The following SAMD5 variants were observed in gnomAD, a reference collection of about 807,000 sequenced individuals.
The protein encoded by SAMD5 is sterile alpha motif domain containing 5.
In SAMD5, 13 loss-of-function variants were observed where a neutral mutation model predicts 11.3. The observed-to-expected ratio is 1.15, with a 90% CI of 0.75 to 1.83. SAMD5 has a LOEUF of 1.83. Among genes scored for constraint, SAMD5 ranks in the 40% most tolerant of loss-of-function variants. The pLI, the probability that SAMD5 is intolerant of heterozygous loss-of-function variation, is 0.00. For missense variants in SAMD5, 255 were observed against 239.1 expected, an observed-to-expected ratio of 1.07 and a Z score of -0.44; for synonymous variants, 129 against 111.3, an observed-to-expected ratio of 1.16 and a Z score of -1.00.
the SAMD5 span, among the ~76,000 whole-genome samples, chr6:147,749,645 A>G: frequency 6.6e-6 from 1 of 152,198 alleles, no homozygotes; most frequent in African/African-American, 2.4e-5. Flanking sequence ...GTTAGAGTGT[A>G]TGATAGATGT....
At chr6:147,913,582 G>A in the SAMD5 span, among the ~76,000 whole-genome samples, 1 of 152,150 alleles carries the variant, frequency 6.6e-6, no homozygotes. Flanking sequence ...TGTTATCCCA[G>A]CTACTTCAGA....
chr6:147,936,900 T>C, the SAMD5 span, among the ~76,000 whole-genome samples: 1 of 152,136 alleles, frequency 6.6e-6, no homozygotes, highest in Admixed American at 6.5e-5. Context: ...GTCATCAGTC[T>C]TGGTATTCAG....
the SAMD5 span, among the ~76,000 whole-genome samples, chr6:147,895,127 G>T: frequency 6.6e-6 from 1 of 152,216 alleles, no homozygotes; most frequent in South Asian, 2.1e-4. Context: ...GTGCAGCTTA[G>T]GAGGAGCCCA....
At chr6:147,721,959 A>T (rs1238222452) in intron 1 of SAMD5, among the ~76,000 whole-genome samples, 5 of 152,250 alleles carry the variant, frequency 3.3e-5, no homozygotes, top group Non-Finnish European at 5.9e-5. Context: ...ATGATTAATG[A>T]GAAGTGTTAC....
the SAMD5 span, among the ~76,000 whole-genome samples, chr6:147,743,895 C>T: frequency 2.0e-5 from 3 of 152,234 alleles, no homozygotes; most frequent in South Asian, 2.1e-4. Flanking sequence ...TCTTAACTGG[C>T]GTGGTTTATT....
intron 1 of SAMD5, 22 bp downstream of exon 1, chr6:147,509,409 G>T (rs780100162): frequency 2.0e-5 from 30 of 1,500,306 alleles, no homozygotes; most frequent in Non-Finnish European, 2.5e-5. Flanking sequence ...CCGTCCGGGC[G>T]GCCCGGGGCG....
chr6:147,905,666 T>A, the SAMD5 span, among the ~76,000 whole-genome samples: 3 of 152,160 alleles, frequency 2.0e-5, no homozygotes, highest in African/African-American at 7.2e-5. Context: ...TAGGTCTACT[T>A]AAAACCACAG....
At chr6:147,767,983 A>G in the SAMD5 span, among the ~76,000 whole-genome samples, 1 of 152,210 alleles carries the variant, frequency 6.6e-6, no homozygotes, top group African/African-American at 2.4e-5. Flanking sequence ...GGCATAGTGG[A>G]CAAGAACAGG....
the SAMD5 span, among the ~76,000 whole-genome samples, chr6:147,934,444 C>A: frequency 5.9e-5 from 9 of 152,090 alleles, no homozygotes; most frequent in African/African-American, 2.2e-4. Flanking sequence ...CTGTAGGATA[C>A]CCCTGACTAG....
the SAMD5 span, among the ~76,000 whole-genome samples, chr6:147,949,711 A>G: frequency 6.6e-6 from 1 of 152,206 alleles, no homozygotes; most frequent in African/African-American, 2.4e-5. Context: ...CCTGGGTAAA[A>G]GCAACTATAT....
chr6:147,857,301 G>A, the SAMD5 span, among the ~76,000 whole-genome samples: 1 of 150,236 alleles, frequency 6.7e-6, no homozygotes, highest in Admixed American at 6.6e-5. Context: ...CCAGGAGTTC[G>A]AGACCAGCCT....
chr6:147,628,790 G>C (rs796128079), intron 1 of SAMD5, among the ~76,000 whole-genome samples: 2 of 152,264 alleles, frequency 1.3e-5, no homozygotes, highest in African/African-American at 4.8e-5. Context: ...ATTCTCTGTG[G>C]AGAACAGAGA....
chr6:147,857,098 G>A, the SAMD5 span, among the ~76,000 whole-genome samples: 2 of 151,706 alleles, frequency 1.3e-5, no homozygotes, highest in African/African-American at 4.9e-5. Context: ...CTACCAGATG[G>A]TACCAACCAC....
intron 1 of SAMD5, among the ~76,000 whole-genome samples, chr6:147,595,198 C>A (rs1360125355): frequency 6.6e-6 from 1 of 152,184 alleles, no homozygotes; most frequent in Non-Finnish European, 1.5e-5. Flanking sequence ...ATGCCTGATA[C>A]ATTTGGAATG....
At chr6:147,760,261 C>A in the SAMD5 span, among the ~76,000 whole-genome samples, 1 of 151,998 alleles carries the variant, frequency 6.6e-6, no homozygotes, top group Non-Finnish European at 1.5e-5. Context: ...TCTGCCGAGC[C>A]GCAATGGACA....
chr6:147,816,281 CA>C, the SAMD5 span, among the ~76,000 whole-genome samples: 250 of 27,838 alleles, frequency 9.0e-3, 2 homozygotes, highest in Middle Eastern at 0.056. Flanking sequence ...ACTCCGTCTC[CA>C]AAAAAAAAAA....
chr6:147,576,251 CT>C (rs1422316700), intron 1 of SAMD5, among the ~76,000 whole-genome samples: 9 of 152,000 alleles, frequency 5.9e-5, no homozygotes, highest in Admixed American at 4.6e-4. Context: ...AGCAATTCTC[CT>C]TCCTCAGCCT....
At chr6:147,871,530 TAAAGG>T in the SAMD5 span, among the ~76,000 whole-genome samples, 1 of 152,160 alleles carries the variant, frequency 6.6e-6, no homozygotes, top group African/African-American at 2.4e-5. Flanking sequence ...ATAAAAGAAG[TAAAGG>T]AAAGAGAGAT....
chr6:147,605,306 G>T (rs1008522663), intron 1 of SAMD5, among the ~76,000 whole-genome samples: 5 of 152,004 alleles, frequency 3.3e-5, no homozygotes, highest in Non-Finnish European at 5.9e-5. Flanking sequence ...TAGAGATGGG[G>T]GTCTCACTCT....
Sources: allele counts gnomAD v4.1 joint callset (sites outside exome capture counted in the v4.1 genomes callset), GRCh38; gene constraint gnomAD v4.1.1; transcripts MANE v1.5; gene names NCBI Gene and HGNC (gene_info 2026-07-23, HGNC 2026-07-21).